Variants in FAM53A observed in about 807,000 individuals in gnomAD.
FAM53A encodes the protein protein FAM53A.
In FAM53A, 28 loss-of-function variants were observed where a neutral mutation model predicts 26.6. The observed-to-expected ratio is 1.05, with a 90% CI of 0.78 to 1.45. The LOEUF (loss-of-function observed/expected upper bound fraction) is 1.45, where lower values mean the gene tolerates loss of function less well. Among genes scored for constraint, FAM53A ranks in the 40% most tolerant of loss-of-function variants. The probability of loss-of-function intolerance (pLI) is 0.00; values close to 1 mark genes in which losing one functional copy is unlikely to be tolerated. For synonymous variants in FAM53A, 290 were observed against 253.1 expected, an observed-to-expected ratio of 1.15 and a Z score of -1.38; for missense variants, 650 against 575.8, an observed-to-expected ratio of 1.13 and a Z score of -1.32.
chr4:1,676,287 C>G (rs1391778032), intron 1 of FAM53A, among the ~76,000 whole-genome samples: 3 of 152,174 alleles, frequency 2.0e-5, no homozygotes, highest in Non-Finnish European at 4.4e-5. Context: ...AGTCTTCCCA[C>G]CGCATTCTCC....
the FAM53A span, among the ~76,000 whole-genome samples, chr4:1,598,924 T>G: frequency 6.6e-6 from 1 of 152,400 alleles, no homozygotes; most frequent in East Asian, 1.9e-4. Context: ...ATACTTGTAA[T>G]TGGGTTAATA....
At chr4:1,644,758 T>C (rs543912976) in intron 4 of FAM53A, 1 of 160,584 alleles carries the variant, frequency 6.2e-6, no homozygotes, top group East Asian at 1.7e-4. Context: ...CCAGGCAGTC[T>C]GGGGGGTGCA....
the FAM53A span, among the ~76,000 whole-genome samples, chr4:1,575,540 T>C: frequency 6.6e-6 from 1 of 151,096 alleles, no homozygotes; most frequent in African/African-American, 2.4e-5. Flanking sequence ...GTCAAGGGGG[T>C]TGCTGAAGGT....
At chr4:1,614,041 T>C (rs1370482636), downstream of FAM53A, among the ~76,000 whole-genome samples, 1 of 152,196 alleles carries the variant, frequency 6.6e-6, no homozygotes, top group Non-Finnish European at 1.5e-5. Context: ...CTGGCTGGTA[T>C]GCTCACGCGA....
the FAM53A span, among the ~76,000 whole-genome samples, chr4:1,611,734 C>T: frequency 6.6e-6 from 1 of 152,194 alleles, no homozygotes; most frequent in East Asian, 1.9e-4. Context: ...GGGTGAGGGC[C>T]CCCCACCCTG....
chr4:1,655,072 CA>C lies in FAM53A; in HGVS notation c.787del (p.Cys263AlafsTer28). The C allele has an allele frequency of 1.2e-6, 2 of 1,601,704 alleles. No homozygotes were observed. Among genetic ancestry groups the C allele is most frequent in the Non-Finnish European group, 1.7e-6 (2 of 1,174,022 alleles). On this transcript the variant is annotated frameshift_variant, in exon 4 of 5. Coordinates refer to ENST00000308132, the MANE Select transcript of FAM53A (RefSeq NM_001174070.3). LOFTEE classifies it high-confidence loss of function. ...RGLLRCRSQP[C>X]VLSGKRSRRK... Reference sequence around the variant, plus strand: ...CCGGCTCCTCTTCCCACTGAGCACGCAAGGCTGTGAGCGGCACCGGAGCAGC... The same window carrying C: ...CCGGCTCCTCTTCCCACTGAGCACGCAGGCTGTGAGCGGCACCGGAGCAGC...
the FAM53A span, among the ~76,000 whole-genome samples, chr4:1,595,978 T>C: frequency 6.6e-6 from 1 of 152,214 alleles, no homozygotes; most frequent in Non-Finnish European, 1.5e-5. Flanking sequence ...CTGAGCTCAA[T>C]GGGGACCAGC....
the FAM53A span, among the ~76,000 whole-genome samples, chr4:1,605,816 A>G: frequency 2.6e-5 from 4 of 152,060 alleles, no homozygotes; most frequent in Non-Finnish European, 5.9e-5. The surrounding 1 kb of genome is among the most constrained non-coding windows in gnomAD (Gnocchi z 5.7). Context: ...CCTTCTTCCC[A>G]GGAGTCCTGG....
chr4:1,585,445 C>T, the FAM53A span, among the ~76,000 whole-genome samples: 1 of 152,086 alleles, frequency 6.6e-6, no homozygotes, highest in African/African-American at 2.4e-5. Flanking sequence ...TGCCACCACA[C>T]CCAGCTAATT....
the FAM53A span, among the ~76,000 whole-genome samples, chr4:1,579,085 C>G: frequency 6.6e-6 from 1 of 151,350 alleles, no homozygotes; most frequent in Non-Finnish European, 1.5e-5. Flanking sequence ...AGGTCCCCTT[C>G]CCAGCGCTGC....
At chr4:1,676,829 T>C (rs1715078595) in intron 1 of FAM53A, among the ~76,000 whole-genome samples, 1 of 152,164 alleles carries the variant, frequency 6.6e-6, no homozygotes, top group Admixed American at 6.5e-5. Context: ...ATCGCTGACA[T>C]TATCACGTCA....
the FAM53A span, among the ~76,000 whole-genome samples, chr4:1,600,663 T>G: frequency 1.3e-5 from 2 of 152,204 alleles, no homozygotes; most frequent in African/African-American, 4.8e-5. Context: ...TTTCTTTTTC[T>G]TTTTCGTTTT....
At chr4:1,637,641 G>A (rs1477578732), downstream of FAM53A, among the ~76,000 whole-genome samples, 2 of 95,620 alleles carry the variant, frequency 2.1e-5, no homozygotes, top group Admixed American at 9.8e-5. Flanking sequence ...CGGCAGGGGT[G>A]GGCAGGGGTG....
chr4:1,680,005 A>C (rs1206187732), intron 1 of FAM53A, among the ~76,000 whole-genome samples: 1 of 123,452 alleles, frequency 8.1e-6, no homozygotes, highest in Non-Finnish European at 1.6e-5. Flanking sequence ...CCTGAGCGAC[A>C]GGGCAAGACT....
chr4:1,622,559 G>A (rs375202552), intron 1 of FAM53A, among the ~76,000 whole-genome samples: 7 of 152,340 alleles, frequency 4.6e-5, no homozygotes, highest in Non-Finnish European at 7.4e-5. Context: ...CTCTGTGCCC[G>A]TTTTAAATGG....
the FAM53A span, among the ~76,000 whole-genome samples, chr4:1,593,698 T>C: frequency 6.6e-6 from 1 of 151,914 alleles, no homozygotes; most frequent in East Asian, 1.9e-4. Context: ...GGGGTATAAA[T>C]TACACGGCTC....
At chr4:1,607,808 C>T in the FAM53A span, among the ~76,000 whole-genome samples, 6 of 152,148 alleles carry the variant, frequency 3.9e-5, no homozygotes, top group Admixed American at 3.3e-4. Flanking sequence ...GGCGTGGAGG[C>T]GTGTGCCTGT....
intron 1 of FAM53A, among the ~76,000 whole-genome samples, chr4:1,627,035 G>A (rs1715337384): frequency 6.6e-6 from 1 of 152,206 alleles, no homozygotes; most frequent in Non-Finnish European, 1.5e-5. Flanking sequence ...GCCCAGTGAG[G>A]CCAGCCAGAG....
chr4:1,628,997 C>T lies in FAM53A; in HGVS notation c.432-10886G>A, dbSNP rs917496010. ...GTGCCTTAAATCCACGATGAGTCCCCGTGACCGCGTGGTCTCCAGGAGGCA... is the reference window on the plus strand; with the variant it reads ...GTGCCTTAAATCCACGATGAGTCCCTGTGACCGCGTGGTCTCCAGGAGGCA... On this transcript the variant is annotated intron_variant, in intron 1 of 1. Coordinates refer to the FAM53A transcript ENST00000489029. Among the ~76,000 whole-genome samples the T allele has an allele frequency of 5.3e-5, 8 of 151,890 alleles. No homozygotes were observed. The East Asian group carries it at 1.2e-3, about 22-fold the overall frequency.
Sources: gnomAD v4.1 joint callset for allele counts (sites outside exome capture counted in the v4.1 genomes callset) on GRCh38, gnomAD v4.1.1 for gene constraint, Gnocchi (gnomAD v3.1) non-coding constraint, MANE v1.5 for transcripts, NCBI Gene and HGNC (gene_info 2026-07-23, HGNC 2026-07-21) for gene names.